Variants in LRMDA observed in about 807,000 individuals in gnomAD.
LRMDA encodes leucine rich melanocyte differentiation associated, also known as leucine-rich melanocyte differentiation-associated protein.
A neutral mutation model predicts 29.8 loss-of-function variants in LRMDA; 18 were observed. The ratio of observed to expected loss-of-function variants is 0.60; its 90% CI spans 0.42 to 0.90. The LOEUF is 0.90. Among genes scored for constraint, LRMDA ranks in the 40% least tolerant of loss-of-function variants. The pLI is 0.00. For missense variants in LRMDA, 273 were observed against 273.9 expected, an observed-to-expected ratio of 1.00 and a Z score of 0.02; for synonymous variants, 125 against 109.4, an observed-to-expected ratio of 1.14 and a Z score of -0.89.
intron 2 of LRMDA, among the ~76,000 whole-genome samples, chr10:75,445,924 C>T (rs1392969392): frequency 2.0e-5 from 3 of 152,240 alleles, no homozygotes; most frequent in Admixed American, 6.5e-5. Flanking sequence ...AATTGCTTAG[C>T]AGAAAGTTTC....
intron 2 of LRMDA, among the ~76,000 whole-genome samples, chr10:76,002,365 G>A (rs1023882057): frequency 3.3e-5 from 5 of 152,144 alleles, no homozygotes; most frequent in Admixed American, 3.3e-4. Flanking sequence ...AGGAGGTTGC[G>A]GGGTGGGGCA....
chr10:75,675,384 T>C (rs748308158), intron 2 of LRMDA, among the ~76,000 whole-genome samples: 1 of 152,220 alleles, frequency 6.6e-6, no homozygotes, highest in African/African-American at 2.4e-5. Context: ...AGTTATATTC[T>C]ATACTAATGG....
chr10:75,809,034 AG>A (rs1843909437), intron 2 of LRMDA, among the ~76,000 whole-genome samples: 4 of 152,058 alleles, frequency 2.6e-5, no homozygotes, highest in Admixed American at 1.3e-4. Flanking sequence ...CTTCTACTAG[AG>A]GGGCCCACCC....
At chr10:75,458,577 C>A (rs1158123918) in intron 2 of LRMDA, among the ~76,000 whole-genome samples, 2 of 152,268 alleles carry the variant, frequency 1.3e-5, no homozygotes, top group East Asian at 1.9e-4. Context: ...GAAAGCCAAA[C>A]GTCAGAGTAA....
At chr10:76,141,432 T>G (rs1850198399) in intron 5 of LRMDA, among the ~76,000 whole-genome samples, 1 of 152,142 alleles carries the variant, frequency 6.6e-6, no homozygotes, top group African/African-American at 2.4e-5. Flanking sequence ...GTTGAGAACC[T>G]CTTTTAATGT....
At chr10:75,844,611 A>G (rs1197668296) in intron 2 of LRMDA, among the ~76,000 whole-genome samples, 1 of 152,198 alleles carries the variant, frequency 6.6e-6, no homozygotes, top group Non-Finnish European at 1.5e-5. Flanking sequence ...CTTTTTGCCT[A>G]CAAACAGGAA....
At chr10:76,196,355 A>G (rs1851330927) in intron 5 of LRMDA, among the ~76,000 whole-genome samples, 1 of 152,248 alleles carries the variant, frequency 6.6e-6, no homozygotes, top group Admixed American at 6.5e-5. Context: ...CACAATTAGA[A>G]GCTCTCAGAG....
intron 2 of LRMDA, among the ~76,000 whole-genome samples, chr10:76,020,679 T>A (rs971091448): frequency 6.6e-6 from 1 of 152,154 alleles, no homozygotes; most frequent in Non-Finnish European, 1.5e-5. Context: ...CTCCTCCAGG[T>A]TCCCCTGGCA....
chr10:76,162,054 A>G (rs561224503), intron 5 of LRMDA, among the ~76,000 whole-genome samples: 1 of 152,270 alleles, frequency 6.6e-6, no homozygotes, highest in South Asian at 2.1e-4. Flanking sequence ...TGACTATTAC[A>G]TGTGTTTTTT....
intron 5 of LRMDA, among the ~76,000 whole-genome samples, chr10:76,263,784 ACCCT>A (rs1398726495): frequency 6.6e-6 from 1 of 152,170 alleles, no homozygotes; most frequent in Non-Finnish European, 1.5e-5. Context: ...GTGATAGGTG[ACCCT>A]GAGAGGGATA....
At chr10:76,469,140 G>T (rs1345328958) in intron 6 of LRMDA, among the ~76,000 whole-genome samples, 1 of 152,164 alleles carries the variant, frequency 6.6e-6, no homozygotes, top group Non-Finnish European at 1.5e-5. Context: ...ACCATGACCT[G>T]TTCCTTTCCT....
At chr10:75,981,388 A>G (rs756266499) in intron 2 of LRMDA, among the ~76,000 whole-genome samples, 6 of 152,228 alleles carry the variant, frequency 3.9e-5, no homozygotes, top group Non-Finnish European at 8.8e-5. Flanking sequence ...GGTTGAGCAG[A>G]CTTGGTTTCT....
chr10:76,539,146 A>G (rs905768527), intron 6 of LRMDA, among the ~76,000 whole-genome samples: 2 of 152,216 alleles, frequency 1.3e-5, no homozygotes, highest in South Asian at 4.1e-4. Context: ...GAAAGGTCAG[A>G]TGAGAAAAAA....
chr10:76,304,273 C>T lies in LRMDA; in HGVS notation c.517-20128C>T, dbSNP rs568441772. Among the ~76,000 whole-genome samples, 45 of 152,300 alleles carry T rather than the reference C, an allele frequency of 3.0e-4. No homozygotes were observed. The South Asian group carries it at 4.6e-3, about 15-fold the overall frequency. On this transcript the variant is annotated intron_variant, in intron 5 of 6. Transcript: ENST00000611255. The stretch of plus-strand genomic sequence containing the variant: ...TGCCAGATCCCAAATCCCAGACAGA[C>T]GCCACTGAATGCATCTTAGAAACTA...
At chr10:75,939,896 C>T (rs932059195) in intron 2 of LRMDA, among the ~76,000 whole-genome samples, 4 of 152,106 alleles carry the variant, frequency 2.6e-5, no homozygotes, top group African/African-American at 9.7e-5. Context: ...TGTATTTGGT[C>T]TTTGATATGA....
chr10:75,654,664 C>A (rs1315726651), intron 2 of LRMDA, among the ~76,000 whole-genome samples: 2 of 152,168 alleles, frequency 1.3e-5, no homozygotes, highest in African/African-American at 4.8e-5. Context: ...AAACCACAGT[C>A]ATACACAGAT....
intron 2 of LRMDA, among the ~76,000 whole-genome samples, chr10:75,817,680 C>G (rs11001506): frequency 0.046 from 7,000 of 152,232 alleles, 461 homozygotes; most frequent in African/African-American, 0.15. Context: ...AGACACACAT[C>G]TACTTTGTGT....
intron 2 of LRMDA, among the ~76,000 whole-genome samples, chr10:75,892,570 T>G (rs762029269): frequency 3.9e-5 from 6 of 152,228 alleles, no homozygotes; most frequent in Non-Finnish European, 5.9e-5. Context: ...TTATCCAGAT[T>G]TCCTTGCTAA....
intron 5 of LRMDA, among the ~76,000 whole-genome samples, chr10:76,316,206 C>T (rs1034096739): frequency 2.6e-5 from 4 of 152,334 alleles, no homozygotes; most frequent in East Asian, 3.9e-4. Flanking sequence ...AGGGCTGTGA[C>T]GCCCTCTTTA....
Sources: allele counts gnomAD v4.1 joint callset (sites outside exome capture counted in the v4.1 genomes callset), GRCh38; gene constraint gnomAD v4.1.1; transcripts MANE v1.5; gene names NCBI Gene and HGNC (gene_info 2026-07-23, HGNC 2026-07-21).